The following PKD1L1 variants were observed in gnomAD, a reference collection of about 807,000 sequenced individuals.
PKD1L1 encodes polycystin-1-like protein 1.
In PKD1L1, 236 loss-of-function variants were observed where a neutral mutation model predicts 323.4. The ratio of observed to expected loss-of-function variants is 0.73; its 90% CI spans 0.66 to 0.81. PKD1L1 has a LOEUF of 0.81. PKD1L1 is among the 40% of genes least tolerant of loss of function. PKD1L1 has a pLI of 0.00. For missense variants in PKD1L1, 3,320 were observed against 3,508.0 expected, an observed-to-expected ratio of 0.95 and a Z score of 1.35; for synonymous variants, 1,344 against 1,335.0, an observed-to-expected ratio of 1.01 and a Z score of -0.15.
At position 47,786,912 on chromosome 7, in the gene PKD1L1, G is replaced by T. The variant is rs545774576; in HGVS notation, c.8526+5715C>A. ...TTAAGGGGGCCGAGCTGGCAAGGGG[G>T]AGAAGGTGGGGGCTGGCAACTCACC... On this transcript the variant is annotated intron_variant, in intron 56 of 56. Coordinates refer to ENST00000289672, the MANE Select transcript of PKD1L1 (RefSeq NM_138295.5). Among the ~76,000 whole-genome samples, 40 of 152,318 alleles carry T rather than the reference G, an allele frequency of 2.6e-4. 1 individual carries two copies. Among genetic ancestry groups the T allele is most frequent in the Non-Finnish European group, 5.1e-4 (35 of 68,014 alleles).
intron 47 of PKD1L1, 141 bp from the exon 48 acceptor site, chr7:47,814,155 C>A: frequency 1.6e-6 from 1 of 614,128 alleles, no homozygotes; most frequent in Non-Finnish European, 2.8e-6. Context: ...CTTCCAATAC[C>A]ATTTTAGGGA....
intron 5 of PKD1L1, 38 bp from the exon 6 acceptor site, chr7:47,931,359 G>T (rs1180586939): frequency 1.2e-6 from 2 of 1,602,090 alleles, no homozygotes; most frequent in Admixed American, 3.4e-5. Context: ...TTATTGAATG[G>T]CCTCGTCTGG....
chr7:47,880,263 TACATATATATATA>T (rs1786513474), intron 21 of PKD1L1, among the ~76,000 whole-genome samples: 3 of 88,348 alleles, frequency 3.4e-5, no homozygotes, highest in Non-Finnish European at 4.0e-5. Context: ...TATATATATA[TACATATATATATA>T]TATATATATT....
At position 47,908,147 on chromosome 7, in the gene PKD1L1, C is replaced by A; in HGVS notation, c.1332G>T (p.Ala444=). The change falls in exon 9 of 57, where the codon GCG becomes GCT. Residue 444 remains alanine, a synonymous_variant. Transcript: ENST00000289672. ...CATGGACACTGCTGGAGTTCATGAA[C>A]GCAGACACGGCCTCATGGCCAATCT... The part of the protein sequence containing the change: ...YVEIGHEAVS[A]FMNSSSVHED... The A allele has an allele frequency of 6.2e-7, 1 of 1,614,178 alleles. No individual in the cohort carries two copies. Among genetic ancestry groups the A allele is most frequent in the Non-Finnish European group, 8.5e-7 (1 of 1,180,030 alleles).
At position 47,854,994 on chromosome 7, in the gene PKD1L1, C is replaced by T. The variant is rs761330892; in HGVS notation, c.4747G>A (p.Val1583Met). 1.2e-6 allele frequency: 2 copies of T among 1,614,032 alleles called. No homozygotes were observed. Among genetic ancestry groups the T allele is most frequent in the South Asian group, 2.2e-5 (2 of 90,986 alleles). Residue 1583 changes from valine (V) to methionine (M), a missense_variant, in exon 30 of 57, where the codon GTG becomes ATG. Transcript: ENST00000289672. ...KTTFVLLRDK[V>M]NLHQFTELSE... Reference sequence around the variant, plus strand: ...AGCTCAGTGAACTGATGGAGATTCACTTTATCCCGAAGTAATACAAATGTC... The same window carrying T: ...AGCTCAGTGAACTGATGGAGATTCATTTTATCCCGAAGTAATACAAATGTC...
the PKD1L1 span, among the ~76,000 whole-genome samples, chr7:47,957,983 A>G: frequency 6.6e-6 from 1 of 151,866 alleles, no homozygotes; most frequent in Non-Finnish European, 1.5e-5. Flanking sequence ...TCCTGTGTTC[A>G]TGGATTGAAA....
rs540614313 is a variant in PKD1L1 at position 47,899,993 on chromosome 7, CA to C, written c.2065-1800del. ...AATCGGAAAGGGAAAAACCTGGAGG[CA>C]GCTGAGAAATGGGATTTTAAGAAAT... On this transcript the variant is annotated intron_variant, in intron 13 of 56. Coordinates refer to ENST00000289672, the MANE Select transcript of PKD1L1 (RefSeq NM_138295.5). Among the ~76,000 whole-genome samples, 8 of 143,070 alleles carry C rather than the reference CA, an allele frequency of 5.6e-5. No individual in the cohort carries two copies. In the South Asian group the frequency reaches 1.8e-3, roughly 32 times the overall value. 93.9% of individuals were successfully genotyped at this position (143,070 alleles called of 152,430 possible).
At chr7:47,820,913 G>T (rs1431322543) in intron 46 of PKD1L1, among the ~76,000 whole-genome samples, 163 bp downstream of exon 46, 1 of 152,100 alleles carries the variant, frequency 6.6e-6, no homozygotes, top group Admixed American at 6.6e-5. Flanking sequence ...TGCTAAGAAC[G>T]TGTCCAAAGT....
chr7:47,930,713 G>C (rs1787751520), intron 6 of PKD1L1, among the ~76,000 whole-genome samples: 1 of 152,018 alleles, frequency 6.6e-6, no homozygotes, highest in African/African-American at 2.4e-5. Flanking sequence ...TACTCAGGAG[G>C]CTGAGGCAGA....
At chr7:47,860,252 C>T (rs937278100) in intron 26 of PKD1L1, among the ~76,000 whole-genome samples, 1 of 152,214 alleles carries the variant, frequency 6.6e-6, no homozygotes, top group Non-Finnish European at 1.5e-5. Flanking sequence ...GTCTACGAGA[C>T]AAAGTCAGCT....
intron 30 of PKD1L1, 31 bp downstream of exon 30, chr7:47,854,851 A>G (rs1203505535): frequency 2.5e-6 from 4 of 1,607,284 alleles, no homozygotes; most frequent in South Asian, 2.2e-5. Context: ...GTCTTACTCC[A>G]ATCTCATTGT....
chr7:47,780,159 C>T (rs1042065928), intron 56 of PKD1L1, among the ~76,000 whole-genome samples: 1 of 152,082 alleles, frequency 6.6e-6, no homozygotes, highest in African/African-American at 2.4e-5. Flanking sequence ...AAAACAATAT[C>T]CCAGCCAGGA....
At chr7:47,810,656 A>G (rs1784874047) in intron 50 of PKD1L1, among the ~76,000 whole-genome samples, 1 of 152,232 alleles carries the variant, frequency 6.6e-6, no homozygotes, top group Admixed American at 6.5e-5. Context: ...GCTAAAGCAA[A>G]GTAACCTTGA....
chr7:47,861,270 A>T (rs1233324060), intron 26 of PKD1L1, among the ~76,000 whole-genome samples: 1 of 152,268 alleles, frequency 6.6e-6, no homozygotes, highest in Non-Finnish European at 1.5e-5. Flanking sequence ...AGACAGATGC[A>T]CAAAAAGAAA....
At chr7:47,801,897 T>C (rs949012968) in intron 53 of PKD1L1, among the ~76,000 whole-genome samples, 2 of 152,148 alleles carry the variant, frequency 1.3e-5, no homozygotes, top group African/African-American at 4.8e-5. Flanking sequence ...TTTCCTTACA[T>C]AAAAGCATTT....
At chr7:47,870,446 A>G (rs1041173878) in intron 24 of PKD1L1, among the ~76,000 whole-genome samples, 1 of 152,190 alleles carries the variant, frequency 6.6e-6, no homozygotes, top group African/African-American at 2.4e-5. Flanking sequence ...CTGACCATAT[A>G]GAAATAAAAA....
rs1453484081 is a variant in PKD1L1 at position 47,880,288 on chromosome 7, T to A, written c.3520+440A>T. On this transcript the variant is annotated intron_variant, in intron 21 of 56. Coordinates refer to ENST00000289672, the MANE Select transcript of PKD1L1 (RefSeq NM_138295.5). ...TACATATATATATATATATATATTT[T>A]TTTTTTTTTTTTTGAGACAGTCTTG... Among the ~76,000 whole-genome samples, 101 of 95,266 alleles carry A rather than the reference T, an allele frequency of 1.1e-3. 1 individual carries two copies. Among genetic ancestry groups the A allele is most frequent in the Middle Eastern group, 4.6e-3 (1 of 218 alleles). The allele number at this position is 95,266 out of a possible 152,430, so 62.5% of individuals were successfully genotyped here.
chr7:47,948,059 C>A (rs537375417), intron 1 of PKD1L1, among the ~76,000 whole-genome samples: 1 of 152,306 alleles, frequency 6.6e-6, no homozygotes, highest in Non-Finnish European at 1.5e-5. Flanking sequence ...ACCTAGCAGA[C>A]AAGCAGATAG....
chr7:47,955,310 CTG>C, the PKD1L1 span, among the ~76,000 whole-genome samples: 1 of 152,172 alleles, frequency 6.6e-6, no homozygotes, highest in African/African-American at 2.4e-5. Flanking sequence ...GTTCGGGAAA[CTG>C]TAATTGCCGA....
Sources: gnomAD v4.1 joint callset for allele counts (sites outside exome capture counted in the v4.1 genomes callset) on GRCh38, gnomAD v4.1.1 for gene constraint, MANE v1.5 for transcripts, NCBI Gene and HGNC (gene_info 2026-07-23, HGNC 2026-07-21) for gene names.